EPM2A: variants seen among roughly 807,000 people sequenced by gnomAD.
EPM2A encodes the protein laforin.
Under a neutral mutation model 26.5 loss-of-function variants are expected in EPM2A, and 21 were observed. The ratio of observed to expected loss-of-function variants is 0.79; its 90% CI spans 0.56 to 1.14. The LOEUF (loss-of-function observed/expected upper bound fraction) is 1.14. Among genes scored for constraint, EPM2A ranks in the 50% most tolerant of loss-of-function variants. The probability of loss-of-function intolerance (pLI) is 0.00; values close to 1 mark genes in which losing one functional copy is unlikely to be tolerated. For synonymous variants in EPM2A, 217 were observed against 177.6 expected, an observed-to-expected ratio of 1.22 and a Z score of -1.76; for missense variants, 458 against 440.8, an observed-to-expected ratio of 1.04 and a Z score of -0.35.
chr6:145,510,668 T>C (rs1780042892), intron 2 of EPM2A, among the ~76,000 whole-genome samples: 1 of 151,900 alleles, frequency 6.6e-6, no homozygotes, highest in Non-Finnish European at 1.5e-5. Flanking sequence ...CAAACTAACC[T>C]TGCATCTAAC....
At chr6:145,713,234 G>A (rs1775437041) in intron 1 of EPM2A, among the ~76,000 whole-genome samples, 1 of 152,160 alleles carries the variant, frequency 6.6e-6, no homozygotes, top group South Asian at 2.1e-4. Flanking sequence ...TCCTGTCCAA[G>A]TTAGGTGCAT....
At chr6:145,413,406 C>G (rs186222641) in intron 4 of EPM2A, among the ~76,000 whole-genome samples, 1 of 152,192 alleles carries the variant, frequency 6.6e-6, no homozygotes, top group Non-Finnish European at 1.5e-5. Flanking sequence ...TATCACCATA[C>G]CCTGTAAAGT....
chr6:145,485,565 T>A (rs397311), intron 4 of EPM2A, among the ~76,000 whole-genome samples: 1 of 151,814 alleles, frequency 6.6e-6, no homozygotes, highest in Non-Finnish European at 1.5e-5. Context: ...TACAGAAGAT[T>A]AAATGTCACA....
intron 2 of EPM2A, among the ~76,000 whole-genome samples, chr6:145,534,390 T>C (rs1346279803): frequency 6.6e-6 from 1 of 152,238 alleles, no homozygotes; most frequent in Non-Finnish European, 1.5e-5. Flanking sequence ...TTTATATCTC[T>C]GCAAATGCTA....
intron 4 of EPM2A, among the ~76,000 whole-genome samples, chr6:145,477,024 T>G (rs946171002): frequency 6.6e-6 from 1 of 151,422 alleles, no homozygotes; most frequent in Non-Finnish European, 1.5e-5. Context: ...TCTTGAAAAC[T>G]TAAAGAAAAT....
In EPM2A at chr6:145,459,306, A is replaced by T. The variant is rs114071047; in HGVS notation, c.555+43216T>A. Reference sequence around the variant, plus strand: ...AGAGGGCTCAGAAGAGTCAGACAAAAATCTGGATAAGGTGGGAATCTTTAT... The same window carrying T: ...AGAGGGCTCAGAAGAGTCAGACAAATATCTGGATAAGGTGGGAATCTTTAT... On this transcript the variant is annotated intron_variant, in intron 4 of 4. Coordinates refer to the EPM2A transcript ENST00000638717. Among the ~76,000 whole-genome samples the T allele has an allele frequency of 5.0e-3, 764 of 152,294 alleles. 3 individuals carry two copies. Among genetic ancestry groups the T allele is most frequent in the African/African-American group, 0.018 (742 of 41,564 alleles).
At chr6:145,515,234 T>C (rs1375423298) in intron 2 of EPM2A, among the ~76,000 whole-genome samples, 1 of 152,148 alleles carries the variant, frequency 6.6e-6, no homozygotes, top group East Asian at 1.9e-4. Context: ...AGAACTGAAA[T>C]ATGGTTTTCT....
chr6:145,612,906 C>T lies in EPM2A; in HGVS notation c.340+22339G>A, dbSNP rs534863154. 1.2e-3 allele frequency among the ~76,000 whole-genome samples: 180 copies of T among 152,070 alleles called. 1 individual carries two copies. Among genetic ancestry groups the T allele is most frequent in the Admixed American group, 4.0e-3 (61 of 15,264 alleles). ...GACTGATCAGGGTGGCAGCTGCTGA[C>T]TGATCAGGATGGTAGCTGCTGAATG... On this transcript the variant is annotated intron_variant, in intron 2 of 3. Transcript: ENST00000450221.
At chr6:145,540,747 A>G (rs1217033844) in intron 2 of EPM2A, among the ~76,000 whole-genome samples, 1 of 152,184 alleles carries the variant, frequency 6.6e-6, no homozygotes, top group Non-Finnish European at 1.5e-5. Flanking sequence ...AAAATGAAAA[A>G]GATCAAAAAC....
chr6:145,678,012 T>C (rs1486774587), intron 2 of EPM2A, among the ~76,000 whole-genome samples: 1 of 152,210 alleles, frequency 6.6e-6, no homozygotes, highest in Non-Finnish European at 1.5e-5. Flanking sequence ...GGCATCATGC[T>C]ACCTGACTTC....
At chr6:145,395,753 C>T (rs1335452355) in intron 4 of EPM2A, among the ~76,000 whole-genome samples, 1 of 152,192 alleles carries the variant, frequency 6.6e-6, no homozygotes. Context: ...ATCCTTCTCT[C>T]ACCACACACA....
chr6:145,683,020 A>C (rs1440450299), intron 2 of EPM2A, among the ~76,000 whole-genome samples: 1 of 152,188 alleles, frequency 6.6e-6, no homozygotes, highest in African/African-American at 2.4e-5. Context: ...GCAAACAGAT[A>C]GAATTCGATG....
At chr6:145,637,298 G>T (rs1398426948) in intron 2 of EPM2A, 8 of 151,756 alleles carry the variant, frequency 5.3e-5, no homozygotes, top group Non-Finnish European at 1.0e-4. Flanking sequence ...AGCTTTTTTT[G>T]TTTTTTGCTT....
intron 2 of EPM2A, among the ~76,000 whole-genome samples, chr6:145,595,682 T>G (rs1303871008): frequency 1.3e-5 from 2 of 152,166 alleles, no homozygotes; most frequent in African/African-American, 4.8e-5. Context: ...GCAAAGCTAC[T>G]GTTTTTGCAT....
chr6:145,516,021 G>A (rs1478485397), intron 2 of EPM2A, among the ~76,000 whole-genome samples: 1 of 152,154 alleles, frequency 6.6e-6, no homozygotes, highest in African/African-American at 2.4e-5. Flanking sequence ...AATGCTACTA[G>A]AAGCCAGTCA....
At chr6:145,556,402 T>C (rs891478972) in intron 2 of EPM2A, among the ~76,000 whole-genome samples, 5 of 152,238 alleles carry the variant, frequency 3.3e-5, no homozygotes, top group Admixed American at 2.6e-4. Flanking sequence ...CTTGATGTGA[T>C]AGAATTTTCT....
At chr6:145,499,247 C>T (rs1184223927), downstream of EPM2A, among the ~76,000 whole-genome samples, 1 of 152,206 alleles carries the variant, frequency 6.6e-6, no homozygotes, top group Non-Finnish European at 1.5e-5. Context: ...TATTTCTCAT[C>T]TGACTCCTTG....
At chr6:145,648,399 C>A (rs1303803401) in intron 2 of EPM2A, among the ~76,000 whole-genome samples, 6 of 152,132 alleles carry the variant, frequency 3.9e-5, no homozygotes, top group Non-Finnish European at 5.9e-5. Flanking sequence ...TTACAGCCAC[C>A]CATACAATTC....
At chr6:145,392,824 A>G (rs1037914742) in intron 4 of EPM2A, among the ~76,000 whole-genome samples, 1 of 152,132 alleles carries the variant, frequency 6.6e-6, no homozygotes, top group East Asian at 1.9e-4. Context: ...GGCACATCCT[A>G]AAACTGATCT....
Sources: allele counts gnomAD v4.1 joint callset (sites outside exome capture counted in the v4.1 genomes callset), GRCh38; gene constraint gnomAD v4.1.1; transcripts MANE v1.5; gene names NCBI Gene and HGNC (gene_info 2026-07-23, HGNC 2026-07-21).